The following MRPL42 variants were observed in gnomAD, a reference collection of about 807,000 sequenced individuals.
The protein encoded by MRPL42 is large ribosomal subunit protein mL42.
In MRPL42, 17 loss-of-function variants were observed where a neutral mutation model predicts 17.9. The ratio of observed to expected loss-of-function variants is 0.95; its 90% CI spans 0.65 to 1.42. The LOEUF (loss-of-function observed/expected upper bound fraction) is 1.42. MRPL42 is among the 40% of genes most tolerant of loss of function. The pLI is 0.00. For synonymous variants in MRPL42, 59 were observed against 54.4 expected (o/e 1.08, Z -0.37); for missense variants, 177 against 175.2 (o/e 1.01, Z -0.06).
chr12:93,486,588 T>C (rs1278834010), intron 4 of MRPL42, among the ~76,000 whole-genome samples: 1 of 152,212 alleles, frequency 6.6e-6, no homozygotes, highest in Non-Finnish European at 1.5e-5. Context: ...TCCACCTGCC[T>C]TGGCCTCCCA....
intron 5 of MRPL42, among the ~76,000 whole-genome samples, chr12:93,496,643 TAAAAAAAA>T (rs35375116): frequency 4.2e-5 from 3 of 70,716 alleles, no homozygotes; most frequent in African/African-American, 1.3e-4. Flanking sequence ...TCAGATTAGG[TAAAAAAAA>T]AAAAAAAAAA....
chr12:93,500,451 G>C (rs1408429620), intron 5 of MRPL42, among the ~76,000 whole-genome samples: 1 of 152,062 alleles, frequency 6.6e-6, no homozygotes, highest in Admixed American at 6.6e-5. Flanking sequence ...AAAAACAAAA[G>C]GTTCCTCACT....
rs529938527 is a variant in MRPL42, at chr12:93,503,198, G to A, written c.*1977G>A. The A allele has an allele frequency of 2.0e-4, 30 of 152,124 alleles. No individual in the cohort carries two copies. Among genetic ancestry groups the A allele is most frequent in the Admixed American group, 2.0e-3 (30 of 15,280 alleles). 9.4% of individuals were successfully genotyped at this position (152,124 alleles called of 1,614,324 possible). On this transcript the variant is annotated 3_prime_UTR_variant, in exon 6 of 6. Transcript: ENST00000549982. ...ACACAGTTCTTGTTCAAGCATTATT[G>A]GGAAACCACCAGAGGGCACTCTCAC... is the stretch of plus-strand genomic sequence containing the variant.
At chr12:93,468,587 ATGG>A (rs773278037) in intron 1 of MRPL42, among the ~76,000 whole-genome samples, 1 of 152,230 alleles carries the variant, frequency 6.6e-6, no homozygotes, top group Non-Finnish European at 1.5e-5. Context: ...GCAAAATGAA[ATGG>A]TGGTGAAAGT....
chr12:93,500,903 C>G, intron 5 of MRPL42: 3 of 278,842 alleles, frequency 1.1e-5, no homozygotes, highest in Non-Finnish European at 2.0e-5. Flanking sequence ...GGCTGTAGTA[C>G]ACTATTATTG....
chr12:93,499,492 A>G (rs958243284), intron 5 of MRPL42, among the ~76,000 whole-genome samples: 5 of 152,114 alleles, frequency 3.3e-5, no homozygotes, highest in African/African-American at 7.2e-5. Flanking sequence ...TGACTTCCCA[A>G]ACTCCTTCTA....
chr12:93,497,685 C>T (rs1461216549), intron 5 of MRPL42, among the ~76,000 whole-genome samples: 1 of 151,764 alleles, frequency 6.6e-6, no homozygotes, highest in Non-Finnish European at 1.5e-5. Flanking sequence ...AGGATGCCCA[C>T]TCACACTACT....
Position 93,501,923 on chromosome 12 carries a change from C to A in MRPL42, c.*702C>A, listed in dbSNP as rs2121284248. The A allele has an allele frequency of 8.4e-6, 1 of 118,514 alleles. No individual in the cohort carries two copies. The highest frequency in any genetic ancestry group is 2.7e-4 in the South Asian group (1 of 3,698). The allele number at this position is 118,514 out of a possible 1,614,324, so 7.3% of individuals were successfully genotyped here. On this transcript the variant is annotated 3_prime_UTR_variant, in exon 6 of 6. Transcript: ENST00000549982. Reference sequence around the variant, plus strand: ...TAATCAGGTTTTACTATCTGCTAGGCCCCTTCCATCAATTCTTATTAAATT... The same window carrying A: ...TAATCAGGTTTTACTATCTGCTAGGACCCTTCCATCAATTCTTATTAAATT...
intron 5 of MRPL42, among the ~76,000 whole-genome samples, chr12:93,497,109 A>T (rs1476246663): frequency 6.6e-6 from 1 of 152,174 alleles, no homozygotes; most frequent in Admixed American, 6.5e-5. Flanking sequence ...TCTGGACCAG[A>T]CAGATCCACA....
At chr12:93,476,668 A>G (rs1406711852) in intron 2 of MRPL42, among the ~76,000 whole-genome samples, 1 of 152,110 alleles carries the variant, frequency 6.6e-6, no homozygotes, top group African/African-American at 2.4e-5. Flanking sequence ...AACCTGCACA[A>G]TTTGTTTGGT....
chr12:93,487,252 T>G (rs1399149565), intron 4 of MRPL42, among the ~76,000 whole-genome samples: 1 of 152,176 alleles, frequency 6.6e-6, no homozygotes, highest in Non-Finnish European at 1.5e-5. Context: ...CATGAGCCAC[T>G]CACTGCACCT....
intron 4 of MRPL42, among the ~76,000 whole-genome samples, chr12:93,486,718 TAAA>T (rs1880757587): frequency 6.6e-6 from 1 of 152,150 alleles, no homozygotes; most frequent in Non-Finnish European, 1.5e-5. Context: ...ACTTTTAAGT[TAAA>T]AAATAATAAT....
At chr12:93,483,568 T>C (rs2121212408) in intron 4 of MRPL42, among the ~76,000 whole-genome samples, 1 of 152,252 alleles carries the variant, frequency 6.6e-6, no homozygotes, top group Middle Eastern at 3.4e-3. Flanking sequence ...AAAGATAAAA[T>C]GTAATATACC....
At chr12:93,499,982 CG>C (rs1212256047) in intron 5 of MRPL42, among the ~76,000 whole-genome samples, 1 of 152,082 alleles carries the variant, frequency 6.6e-6, no homozygotes, top group African/African-American at 2.4e-5. Context: ...AATTTTTGAA[CG>C]TAACTCATCA....
chr12:93,494,161 G>T (rs1418401092), intron 5 of MRPL42, among the ~76,000 whole-genome samples: 1 of 151,478 alleles, frequency 6.6e-6, no homozygotes, highest in Non-Finnish European at 1.5e-5. Flanking sequence ...GGCCTAGAGT[G>T]TTTCTGAGTG....
chr12:93,496,146 C>A (rs1158307363), intron 5 of MRPL42, among the ~76,000 whole-genome samples: 2 of 152,166 alleles, frequency 1.3e-5, no homozygotes, highest in Non-Finnish European at 2.9e-5. Flanking sequence ...GCAGCCACCA[C>A]CTCCTGAGTT....
rs146489961 is a variant in MRPL42, at chr12:93,477,622, G to A, written c.134+605G>A. 1.4e-4 allele frequency among the ~76,000 whole-genome samples: 22 copies of A among 151,930 alleles called. No individual in the cohort carries two copies. In the East Asian group the frequency reaches 3.7e-3, roughly 25 times the overall value. ...TATTTTTATTTTGTTTTCGAGATGG[G>A]GTCTTGTTCTCTCGCTCAGGCTGGA... On this transcript the variant is annotated intron_variant, in intron 3 of 5. Coordinates refer to ENST00000549982, the MANE Select transcript of MRPL42 (RefSeq NM_014050.4).
rs1953595677 is a variant in MRPL42, at chr12:93,501,551, G to GT, written c.*332dup. 1 of 171,290 alleles carries GT rather than the reference G, an allele frequency of 5.8e-6. No individual in the cohort carries two copies. The highest frequency in any genetic ancestry group is 1.9e-4 in the South Asian group (1 of 5,154). 10.6% of individuals were successfully genotyped at this position (171,290 alleles called of 1,614,324 possible). A position where few individuals can be genotyped will look rare whatever the true frequency, so the allele number is the denominator to read the frequency against. On this transcript the variant is annotated 3_prime_UTR_variant, in exon 6 of 6. Coordinates refer to ENST00000549982, the MANE Select transcript of MRPL42 (RefSeq NM_014050.4). ...CACTTTATTATAAAACGGGCTTCGT[G>GT]TTAGATAATTTTGCTAAACAGTAGG...
Position 93,501,303 on chromosome 12 carries a change from T to C in MRPL42, c.*82T>C, listed in dbSNP as rs948925214. ...ATGCAGTCTGGTGTATTCAGTAATATATAGTAAAGTAATAATGATAAAATA... is the reference window on the plus strand; with the variant it reads ...ATGCAGTCTGGTGTATTCAGTAATACATAGTAAAGTAATAATGATAAAATA... On this transcript the variant is annotated 3_prime_UTR_variant, in exon 6 of 6. Transcript: ENST00000549982. 109 of 884,466 alleles carry C rather than the reference T, an allele frequency of 1.2e-4. No individual in the cohort carries two copies. Among genetic ancestry groups the C allele is most frequent in the Non-Finnish European group, 1.7e-4 (102 of 592,398 alleles). The allele number at this position is 884,466 out of a possible 1,614,324, so 54.8% of individuals were successfully genotyped here.
Sources: allele counts gnomAD v4.1 joint callset (sites outside exome capture counted in the v4.1 genomes callset), GRCh38; gene constraint gnomAD v4.1.1; transcripts MANE v1.5; gene names NCBI Gene and HGNC (gene_info 2026-07-23, HGNC 2026-07-21).